PRKN: variants seen among roughly 807,000 people sequenced by gnomAD.
PRKN encodes E3 ubiquitin-protein ligase parkin.
PRKN carries 56 observed loss-of-function variants against 59.5 expected under a neutral mutation model. The ratio of observed to expected loss-of-function variants is 0.94; its 90% CI spans 0.76 to 1.18. The LOEUF (loss-of-function observed/expected upper bound fraction) is 1.18. Among genes scored for constraint, PRKN ranks in the 50% most tolerant of loss-of-function variants. The pLI is 0.00. For synonymous variants in PRKN, 250 were observed against 222.1 expected (o/e 1.13, Z -1.12); for missense variants, 657 against 596.4 (o/e 1.10, Z -1.06).
chr6:161,392,177 C>T (rs898612376), intron 9 of PRKN, among the ~76,000 whole-genome samples: 1 of 151,736 alleles, frequency 6.6e-6, no homozygotes, highest in African/African-American at 2.4e-5. Flanking sequence ...ACCTCGTGAT[C>T]CGCCTGCCTC....
At chr6:161,434,222 C>T (rs1010906254) in intron 9 of PRKN, among the ~76,000 whole-genome samples, 3 of 152,120 alleles carry the variant, frequency 2.0e-5, no homozygotes, top group Non-Finnish European at 4.4e-5. Flanking sequence ...TATTCACTTG[C>T]TATTTTACTC....
intron 7 of PRKN, chr6:161,715,941 A>T (rs991614577): frequency 1.8e-5 from 8 of 435,820 alleles, no homozygotes; most frequent in Non-Finnish European, 3.1e-5. Context: ...AACTCAAATT[A>T]TGATACTCCA....
chr6:162,593,891 G>A (rs111932003), intron 1 of PRKN, among the ~76,000 whole-genome samples: 250 of 152,274 alleles, frequency 1.6e-3, no homozygotes, highest in East Asian at 0.01. Flanking sequence ...GGTGGCTCAC[G>A]CCTGGCCTAA....
intron 5 of PRKN, among the ~76,000 whole-genome samples, chr6:162,047,393 C>T (rs749924722): frequency 8.5e-5 from 13 of 152,174 alleles, no homozygotes; most frequent in Non-Finnish European, 1.2e-4. Context: ...ACAGTGCAGA[C>T]GAGCATGGGC....
chr6:161,410,983 C>T lies in PRKN; in HGVS notation c.1084-24106G>A, dbSNP rs1787513057. 6.6e-6 allele frequency among the ~76,000 whole-genome samples: 1 copy of T among 152,150 alleles called. No homozygotes were observed. The highest frequency in any genetic ancestry group is 1.5e-5 in the Non-Finnish European group (1 of 68,032). On this transcript the variant is annotated intron_variant, in intron 9 of 11. Coordinates refer to ENST00000366898, the MANE Select transcript of PRKN (RefSeq NM_004562.3). This position sits in a 1 kb window ranked among gnomAD's most constrained non-coding sequence, Gnocchi z 5.3. ...CCGGTTTCCTCAGGTGGAAGGAAGG[C>T]AGTTGACTCATCCTGCTTCCCTGTA...
chr6:162,643,688 G>C lies in PRKN; in HGVS notation c.7+83974C>G, dbSNP rs777954925. 3.3e-5 allele frequency among the ~76,000 whole-genome samples: 5 copies of C among 152,126 alleles called. No homozygotes were observed. The East Asian group carries it at 7.7e-4, about 24-fold the overall frequency. On this transcript the variant is annotated intron_variant, in intron 1 of 11. Coordinates refer to ENST00000366898, the MANE Select transcript of PRKN (RefSeq NM_004562.3). ...AATTTATAGAAAATATTAATTTCAT[G>C]TTTATTTTTAGCCTATGAATATAGT...
intron 7 of PRKN, among the ~76,000 whole-genome samples, chr6:161,620,068 C>A (rs1454251377): frequency 1.5e-5 from 2 of 137,430 alleles, no homozygotes; most frequent in South Asian, 4.5e-4. Flanking sequence ...CAGCTCACTG[C>A]AACCTCCACC....
intron 4 of PRKN, among the ~76,000 whole-genome samples, chr6:162,083,880 A>G (rs1779156966): frequency 6.6e-6 from 1 of 152,116 alleles, no homozygotes; most frequent in African/African-American, 2.4e-5. Flanking sequence ...AATTGACAGC[A>G]TTTTAAAAAT....
intron 7 of PRKN, among the ~76,000 whole-genome samples, chr6:161,690,949 CGATT>C (rs1178964368): frequency 2.0e-5 from 3 of 151,140 alleles, no homozygotes; most frequent in African/African-American, 7.3e-5. Flanking sequence ...GTGTATCGAT[CGATT>C]GAACAATCCA....
chr6:162,646,539 C>T (rs1004678393), intron 1 of PRKN, among the ~76,000 whole-genome samples: 1 of 152,082 alleles, frequency 6.6e-6, no homozygotes, highest in African/African-American at 2.4e-5. Flanking sequence ...CCACTTTGGC[C>T]TCCCAAACTG....
intron 11 of PRKN, among the ~76,000 whole-genome samples, chr6:161,358,484 G>A (rs899823522): frequency 7.9e-5 from 12 of 151,962 alleles, no homozygotes; most frequent in Non-Finnish European, 1.3e-4. Flanking sequence ...GGTGTGTTGC[G>A]TACACCTGTA....
chr6:162,297,002 A>AC (rs1457609981), intron 2 of PRKN, among the ~76,000 whole-genome samples: 1 of 152,052 alleles, frequency 6.6e-6, no homozygotes, highest in Non-Finnish European at 1.5e-5. Context: ...ACAAGGAAAA[A>AC]ATTAATGGCA....
chr6:161,465,013 T>C (rs779080621), intron 9 of PRKN, among the ~76,000 whole-genome samples: 3 of 152,204 alleles, frequency 2.0e-5, no homozygotes, highest in Admixed American at 6.5e-5. Context: ...ACAAAAGCGA[T>C]AGGCTGCGAT....
rs533241021 is a variant in PRKN at position 161,791,158 on chromosome 6, A to G, written c.735-5250T>C. On this transcript the variant is annotated intron_variant, in intron 6 of 11. Transcript: ENST00000366898. ...AATTAAAGGTTAAGTAAAGTTCTCA[A>G]TTATATATAAAAAGACTTATAAATG... Among the ~76,000 whole-genome samples the G allele has an allele frequency of 3.3e-5, 5 of 152,346 alleles. No individual in the cohort carries two copies. In the East Asian group the frequency reaches 9.6e-4, roughly 29 times the overall value.
chr6:161,401,272 C>A lies in PRKN; in HGVS notation c.1084-14395G>T, dbSNP rs1787038199. On this transcript the variant is annotated intron_variant, in intron 9 of 11. Transcript: ENST00000366898. This position sits in a 1 kb window ranked among gnomAD's most constrained non-coding sequence, Gnocchi z 4.4. Reference sequence around the variant, plus strand: ...CTGGGGAATTGAGGAGAAGATCCACCCTACCAAAGGCCAGTCTTGCTTTAG... The same window carrying A: ...CTGGGGAATTGAGGAGAAGATCCACACTACCAAAGGCCAGTCTTGCTTTAG... Among the ~76,000 whole-genome samples, 1 of 152,018 alleles carries A rather than the reference C, an allele frequency of 6.6e-6. No homozygotes were observed. Among genetic ancestry groups the A allele is most frequent in the African/African-American group, 2.4e-5 (1 of 41,382 alleles).
rs1794585073 is a variant in PRKN, at chr6:161,874,569, A to G, written c.735-88661T>C. Among the ~76,000 whole-genome samples, 4 of 113,002 alleles carry G rather than the reference A, an allele frequency of 3.5e-5. No homozygotes were observed. The Admixed American group carries it at 4.5e-4, about 13-fold the overall frequency. The allele number at this position is 113,002 out of a possible 152,430, so 74.1% of individuals were successfully genotyped here. A position where few individuals can be genotyped will look rare whatever the true frequency, so the allele number is the denominator to read the frequency against. On this transcript the variant is annotated intron_variant, in intron 6 of 11. Transcript: ENST00000366898. ...GTAAAATATATATTATATATAAAAT[A>G]TATATTATGTAAAATATATATTGTA...
chr6:161,579,593 T>C lies in PRKN; in HGVS notation c.872-10177A>G, dbSNP rs2128137502. On this transcript the variant is annotated intron_variant, in intron 7 of 11. Transcript: ENST00000366898. The surrounding 1 kb of genome is among the most constrained non-coding windows in gnomAD (Gnocchi z 4.2). ...GGGCATATTCAGGCACTATTAAGTTTGGGAAAATAAATCATATCCAAAACC... is the reference window on the plus strand; with the variant it reads ...GGGCATATTCAGGCACTATTAAGTTCGGGAAAATAAATCATATCCAAAACC... Among the ~76,000 whole-genome samples, 1 of 152,272 alleles carries C rather than the reference T, an allele frequency of 6.6e-6. No homozygotes were observed. Among genetic ancestry groups the C allele is most frequent in the East Asian group, 1.9e-4 (1 of 5,180 alleles).
chr6:161,847,563 A>G (rs1793251150), intron 6 of PRKN, among the ~76,000 whole-genome samples: 1 of 149,230 alleles, frequency 6.7e-6, no homozygotes, highest in South Asian at 2.1e-4. Flanking sequence ...TAAGCATTTT[A>G]CCTGTACTTT....
Position 161,549,127 on chromosome 6 carries a change from TGTGTG to T in PRKN, c.934-129_934-125del. ...TTCAGTAAAATAATGCATGTGTGTGTGTGTGTGTGTGTGTAGGGGGAGGGAGAGGG... is the reference window on the plus strand; with the variant it reads ...TTCAGTAAAATAATGCATGTGTGTGTTGTGTGTGTAGGGGGAGGGAGAGGG... On this transcript the variant is annotated intron_variant, in intron 8 of 11. Coordinates refer to ENST00000366898, the MANE Select transcript of PRKN (RefSeq NM_004562.3). This position sits in a 1 kb window ranked among gnomAD's most constrained non-coding sequence, Gnocchi z 6.0. 2 of 955,446 alleles carry T rather than the reference TGTGTG, an allele frequency of 2.1e-6. No individual in the cohort carries two copies. Among genetic ancestry groups the T allele is most frequent in the Non-Finnish European group, 1.6e-6 (1 of 606,702 alleles). The allele number at this position is 955,446 out of a possible 1,614,324, so 59.2% of individuals were successfully genotyped here.
Sources: gnomAD v4.1 joint callset for allele counts (sites outside exome capture counted in the v4.1 genomes callset) on GRCh38, gnomAD v4.1.1 for gene constraint, Gnocchi (gnomAD v3.1) non-coding constraint, MANE v1.5 for transcripts, NCBI Gene and HGNC (gene_info 2026-07-23, HGNC 2026-07-21) for gene names.